CNBD1: variants seen among roughly 807,000 people sequenced by gnomAD.
CNBD1 encodes the protein cyclic nucleotide-binding domain-containing protein 1.
In CNBD1, 71 loss-of-function variants were observed where a neutral mutation model predicts 54.4. The observed-to-expected ratio is 1.30, with a 90% CI of 1.08 to 1.59. The LOEUF (loss-of-function observed/expected upper bound fraction) is 1.59, where lower values mean the gene tolerates loss of function less well. Ranked by LOEUF, CNBD1 falls within the 40% of genes most tolerant of loss-of-function variation. The pLI is 0.00. For synonymous variants in CNBD1, 182 were observed against 170.7 expected, an observed-to-expected ratio of 1.07 and a Z score of -0.51; for missense variants, 659 against 518.0, an observed-to-expected ratio of 1.27 and a Z score of -2.64.
intron 10 of CNBD1, among the ~76,000 whole-genome samples, chr8:87,379,195 A>T (rs1811019763): frequency 2.0e-5 from 3 of 151,980 alleles, no homozygotes; most frequent in Admixed American, 6.6e-5. Context: ...CACTATGTTG[A>T]ATAGGAGTGG....
chr8:87,147,532 A>G (rs974311717), intron 4 of CNBD1, among the ~76,000 whole-genome samples: 1 of 152,072 alleles, frequency 6.6e-6, no homozygotes. Context: ...ATTTCTGACT[A>G]CATTTGTAAA....
At chr8:87,174,826 T>C (rs1475277576) in intron 4 of CNBD1, among the ~76,000 whole-genome samples, 3 of 152,228 alleles carry the variant, frequency 2.0e-5, no homozygotes, top group Non-Finnish European at 4.4e-5. Context: ...TGCAGACTCA[T>C]AGAGGTACTG....
intron 8 of CNBD1, among the ~76,000 whole-genome samples, chr8:87,308,060 C>G (rs916723581): frequency 2.6e-5 from 4 of 152,058 alleles, no homozygotes; most frequent in Admixed American, 2.0e-4. Flanking sequence ...GCTACATTGT[C>G]TTTACAGCCA....
intron 2 of CNBD1, among the ~76,000 whole-genome samples, chr8:87,392,912 T>G (rs954142218): frequency 3.9e-5 from 6 of 151,954 alleles, no homozygotes; most frequent in African/African-American, 1.4e-4. Context: ...TTATTCTAGA[T>G]GCATCAGGGT....
At chr8:86,867,409 T>A (rs1353378867) in intron 1 of CNBD1, among the ~76,000 whole-genome samples, 1 of 152,204 alleles carries the variant, frequency 6.6e-6, no homozygotes, top group East Asian at 1.9e-4. Flanking sequence ...TTGAAGAAGC[T>A]AAGCCATCCA....
chr8:87,035,926 A>G (rs1007837005), intron 4 of CNBD1, among the ~76,000 whole-genome samples: 18 of 152,190 alleles, frequency 1.2e-4, no homozygotes, highest in African/African-American at 3.9e-4. Flanking sequence ...AATGAGATGA[A>G]GAATTCCCTG....
At chr8:87,305,902 G>C (rs1198928117) in intron 8 of CNBD1, among the ~76,000 whole-genome samples, 2 of 152,056 alleles carry the variant, frequency 1.3e-5, no homozygotes, top group Non-Finnish European at 2.9e-5. Context: ...AAGATAAATA[G>C]CTCGGACCTA....
intron 4 of CNBD1, among the ~76,000 whole-genome samples, chr8:87,112,086 T>C (rs1262110145): frequency 6.6e-6 from 1 of 152,050 alleles, no homozygotes; most frequent in East Asian, 1.9e-4. Flanking sequence ...AGGTGGAGGG[T>C]CTTTCAGTCT....
intron 4 of CNBD1, among the ~76,000 whole-genome samples, chr8:86,941,036 C>T (rs1809646536): frequency 6.6e-6 from 1 of 152,184 alleles, no homozygotes; most frequent in South Asian, 2.1e-4. Flanking sequence ...TGACAGATTT[C>T]TCAGAATGTA....
chr8:87,017,450 T>C (rs1023768178), intron 4 of CNBD1, among the ~76,000 whole-genome samples: 8 of 152,312 alleles, frequency 5.3e-5, no homozygotes, highest in Admixed American at 5.2e-4. Context: ...GAATTTCTAC[T>C]TGATGGGGCA....
At chr8:87,201,050 G>A (rs1415199431) in intron 4 of CNBD1, among the ~76,000 whole-genome samples, 1 of 151,868 alleles carries the variant, frequency 6.6e-6, no homozygotes, top group Non-Finnish European at 1.5e-5. Context: ...ATTCCATCAG[G>A]ACCAAATGGA....
intron 2 of CNBD1, among the ~76,000 whole-genome samples, chr8:87,413,521 A>G (rs1807782445): frequency 6.6e-6 from 1 of 152,052 alleles, no homozygotes. Context: ...ATATTATTAT[A>G]TTTACCAAGT....
chr8:86,968,424 A>T (rs1189921803), intron 4 of CNBD1, among the ~76,000 whole-genome samples: 2 of 152,272 alleles, frequency 1.3e-5, no homozygotes, highest in South Asian at 2.1e-4. Context: ...ACTGAATAAA[A>T]ATGTATTTTC....
chr8:87,370,650 G>C lies in CNBD1; in HGVS notation c.1304-11970G>C, dbSNP rs1409760231. On this transcript the variant is annotated intron_variant, in intron 10 of 10. Transcript: ENST00000518476. Reference sequence around the variant, plus strand: ...TAGCCCTTTGTCAGATGAGTAGGTTGCAAAAATTTTCTCCCATTTTGTAGG... The same window carrying C: ...TAGCCCTTTGTCAGATGAGTAGGTTCCAAAAATTTTCTCCCATTTTGTAGG... Among the ~76,000 whole-genome samples, 5 of 151,662 alleles carry C rather than the reference G, an allele frequency of 3.3e-5. No individual in the cohort carries two copies. In the East Asian group the frequency reaches 9.7e-4, roughly 29 times the overall value.
At chr8:87,082,741 A>G (rs1811022347) in intron 4 of CNBD1, among the ~76,000 whole-genome samples, 1 of 152,016 alleles carries the variant, frequency 6.6e-6, no homozygotes, top group Non-Finnish European at 1.5e-5. Flanking sequence ...TTAATGTATC[A>G]CTGTGGTTGA....
chr8:87,415,720 A>C (rs1466757258), intron 2 of CNBD1, among the ~76,000 whole-genome samples: 2 of 151,948 alleles, frequency 1.3e-5, no homozygotes, highest in Non-Finnish European at 2.9e-5. Context: ...AAGAATTGAG[A>C]ATTGTTTCCT....
At chr8:87,027,279 T>C (rs184748660) in intron 4 of CNBD1, among the ~76,000 whole-genome samples, 219 of 152,172 alleles carry the variant, frequency 1.4e-3, no homozygotes, top group Middle Eastern at 0.01. Flanking sequence ...TTTTTATTTA[T>C]TTATTTATTT....
intron 7 of CNBD1, 89 bp from the exon 8 acceptor site, chr8:87,286,450 T>C: frequency 2.6e-6 from 2 of 783,794 alleles, no homozygotes; most frequent in Non-Finnish European, 2.0e-6. Flanking sequence ...ATGGCCTTTA[T>C]TTTACTTCTC....
intron 6 of CNBD1, among the ~76,000 whole-genome samples, chr8:87,271,893 G>T (rs571078631): frequency 6.6e-6 from 1 of 151,696 alleles, no homozygotes; most frequent in East Asian, 1.9e-4. Context: ...AAGAAAATGT[G>T]GTATATATAC....
Sources: gnomAD v4.1 joint callset for allele counts (sites outside exome capture counted in the v4.1 genomes callset) on GRCh38, gnomAD v4.1.1 for gene constraint, MANE v1.5 for transcripts, NCBI Gene and HGNC (gene_info 2026-07-23, HGNC 2026-07-21) for gene names.